Variants in DPP10 observed in about 807,000 individuals in gnomAD.
DPP10 encodes dipeptidyl peptidase like 10.
Under a neutral mutation model 120.9 loss-of-function variants are expected in DPP10, and 33 were observed. That is an observed-to-expected ratio of 0.27 (90% confidence interval 0.21 to 0.37). The LOEUF (loss-of-function observed/expected upper bound fraction) is 0.37. Ranked by LOEUF, DPP10 falls within the 10% of genes least tolerant of loss-of-function variation. The probability of loss-of-function intolerance (pLI) is 1.00; values close to 1 mark genes in which losing one functional copy is unlikely to be tolerated. For synonymous variants in DPP10, 337 were observed against 326.1 expected, an observed-to-expected ratio of 1.03 and a Z score of -0.36; for missense variants, 816 against 942.8, an observed-to-expected ratio of 0.87 and a Z score of 1.76.
At chr2:114,605,297 A>G (rs948895033) in intron 1 of DPP10, among the ~76,000 whole-genome samples, 6 of 152,088 alleles carry the variant, frequency 3.9e-5, no homozygotes, top group Admixed American at 6.6e-5. Flanking sequence ...GGGTCCACCT[A>G]TACGTGGATT....
At chr2:115,357,912 C>G (rs569373877) in intron 3 of DPP10, among the ~76,000 whole-genome samples, 68 of 152,242 alleles carry the variant, frequency 4.5e-4, no homozygotes, top group African/African-American at 1.6e-3. Flanking sequence ...TGAGCTGTAC[C>G]TTGGCCCCTT....
chr2:114,940,562 A>C (rs1019924337), intron 1 of DPP10, among the ~76,000 whole-genome samples: 41 of 152,108 alleles, frequency 2.7e-4, no homozygotes, highest in Non-Finnish European at 3.4e-4. Context: ...TCAGCAAAAA[A>C]AAAAAAAAAA....
chr2:115,402,474 C>G (rs1359884236), intron 3 of DPP10, among the ~76,000 whole-genome samples: 3 of 152,014 alleles, frequency 2.0e-5, no homozygotes, highest in African/African-American at 7.2e-5. Context: ...ATTTACACCA[C>G]TAAAATACGA....
intron 1 of DPP10, among the ~76,000 whole-genome samples, chr2:115,091,497 C>T (rs1355292630): frequency 6.6e-6 from 1 of 151,996 alleles, no homozygotes; most frequent in African/African-American, 2.4e-5. Flanking sequence ...TTGTTTTCCA[C>T]CACATAGGAA....
At chr2:114,959,963 A>G (rs1052982590) in intron 1 of DPP10, among the ~76,000 whole-genome samples, 2 of 152,128 alleles carry the variant, frequency 1.3e-5, no homozygotes, top group Non-Finnish European at 2.9e-5. Flanking sequence ...GTGTTTGAGG[A>G]TTCTACAAAC....
chr2:114,725,024 C>T (rs1701953572), intron 1 of DPP10, among the ~76,000 whole-genome samples: 1 of 152,134 alleles, frequency 6.6e-6, no homozygotes, highest in Non-Finnish European at 1.5e-5. Flanking sequence ...TTTGGTTTCT[C>T]AGATCACATC....
intron 5 of DPP10, among the ~76,000 whole-genome samples, chr2:115,613,038 A>T (rs1441541088): frequency 6.6e-6 from 1 of 152,176 alleles, no homozygotes; most frequent in Non-Finnish European, 1.5e-5. Context: ...CATGACCTTC[A>T]TGCTTTACTG....
intron 19 of DPP10, among the ~76,000 whole-genome samples, chr2:115,805,731 C>G (rs982797920): frequency 1.3e-5 from 2 of 152,002 alleles, no homozygotes; most frequent in African/African-American, 4.8e-5. Context: ...CCCGTCACCA[C>G]ACCTGGCTAA....
intron 5 of DPP10, among the ~76,000 whole-genome samples, chr2:115,645,554 G>T (rs115498667): frequency 0.011 from 1,676 of 152,154 alleles, 28 homozygotes; most frequent in African/African-American, 0.039. Context: ...GTTATGAATA[G>T]AAATAGTAAT....
chr2:114,617,949 A>G (rs1199254941), intron 1 of DPP10, among the ~76,000 whole-genome samples: 3 of 152,184 alleles, frequency 2.0e-5, no homozygotes, highest in African/African-American at 7.2e-5. Context: ...GGTTAGAGCT[A>G]GTCAGAGATC....
In DPP10 at chr2:115,135,478, G is replaced by A. The variant is rs558126994; in HGVS notation, c.61-173761G>A. The stretch of plus-strand genomic sequence containing the variant: ...TTTACATTCCATTTTCAAGGTCAGC[G>A]AAAAACAGAGAAGGCCTCAGCATTA... On this transcript the variant is annotated intron_variant, in intron 1 of 25. Transcript: ENST00000410059. Among the ~76,000 whole-genome samples the A allele has an allele frequency of 3.2e-4, 49 of 152,146 alleles. No homozygotes were observed. The South Asian group carries it at 3.7e-3, about 12-fold the overall frequency.
At chr2:114,521,668 T>A (rs1048941181) in intron 1 of DPP10, among the ~76,000 whole-genome samples, 30 of 152,140 alleles carry the variant, frequency 2.0e-4, no homozygotes, top group South Asian at 4.1e-4. Context: ...AAATTTTATG[T>A]GAAACATCTC....
intron 3 of DPP10, among the ~76,000 whole-genome samples, chr2:115,451,365 C>T (rs1442137446): frequency 6.6e-6 from 1 of 151,778 alleles, no homozygotes; most frequent in African/African-American, 2.4e-5. Context: ...ACTGACTATA[C>T]CTTCCAAAAT....
intron 1 of DPP10, among the ~76,000 whole-genome samples, chr2:115,109,544 A>T (rs1305348541): frequency 6.6e-6 from 1 of 152,020 alleles, no homozygotes; most frequent in East Asian, 1.9e-4. Flanking sequence ...CAAAAAAAAA[A>T]GAAAAAAAAA....
chr2:115,247,378 G>A (rs1484822980), intron 1 of DPP10, among the ~76,000 whole-genome samples: 1 of 152,110 alleles, frequency 6.6e-6, no homozygotes, highest in Non-Finnish European at 1.5e-5. Flanking sequence ...AGGAATTTGT[G>A]TAATAATTCA....
chr2:115,577,000 C>T (rs1008845795), intron 5 of DPP10, among the ~76,000 whole-genome samples: 2 of 152,180 alleles, frequency 1.3e-5, no homozygotes, highest in Non-Finnish European at 2.9e-5. Flanking sequence ...AAGAAAAATA[C>T]TCAGATAATC....
At chr2:115,662,246 T>C (rs1575466940) in intron 5 of DPP10, among the ~76,000 whole-genome samples, 1 of 152,316 alleles carries the variant, frequency 6.6e-6, no homozygotes, top group East Asian at 1.9e-4. Flanking sequence ...AACCACACCT[T>C]CTTTATCCAT....
chr2:115,677,355 G>A (rs2090344862), intron 5 of DPP10, among the ~76,000 whole-genome samples: 1 of 151,958 alleles, frequency 6.6e-6, no homozygotes, highest in Non-Finnish European at 1.5e-5. Flanking sequence ...AAGAGAGGAA[G>A]AAAGAAACAA....
Position 115,038,512 on chromosome 2 carries a change from CGT to C in DPP10, c.61-270725_61-270724del, listed in dbSNP as rs1704395670. On this transcript the variant is annotated intron_variant, in intron 1 of 25. Transcript: ENST00000410059. Reference sequence around the variant, plus strand: ...CAGTATGGTCTCTATCTCCTGACCTCGTGATCCGCCCACCTCTACCTCCCAAA... The same window carrying C: ...CAGTATGGTCTCTATCTCCTGACCTCGATCCGCCCACCTCTACCTCCCAAA... Among the ~76,000 whole-genome samples the C allele has an allele frequency of 3.9e-5, 6 of 152,044 alleles. No individual in the cohort carries two copies. In the South Asian group the frequency reaches 1.2e-3, roughly 32 times the overall value.
Sources: allele counts gnomAD v4.1 joint callset (sites outside exome capture counted in the v4.1 genomes callset), GRCh38; gene constraint gnomAD v4.1.1; transcripts MANE v1.5; gene names NCBI Gene and HGNC (gene_info 2026-07-23, HGNC 2026-07-21).